The following MSRA variants were observed in gnomAD, a reference collection of about 807,000 sequenced individuals.
The protein encoded by MSRA is methionine sulfoxide reductase A.
MSRA carries 54 observed loss-of-function variants against 31.3 expected under a neutral mutation model. The ratio of observed to expected loss-of-function variants is 1.73; its 90% CI spans 1.39 to 2.17. The LOEUF (loss-of-function observed/expected upper bound fraction) is 2.17. MSRA is among the 30% of genes most tolerant of loss of function. MSRA has a pLI of 0.00. For synonymous variants in MSRA, 169 were observed against 116.5 expected, an observed-to-expected ratio of 1.45 and a Z score of -2.90; for missense variants, 507 against 300.9, an observed-to-expected ratio of 1.69 and a Z score of -5.07.
At chr8:10,319,435 A>T (rs1801916748) in intron 4 of MSRA, among the ~76,000 whole-genome samples, 1 of 152,106 alleles carries the variant, frequency 6.6e-6, no homozygotes. Flanking sequence ...TGTGCCAAGC[A>T]CCGTGCCAGG....
At chr8:10,064,713 T>C (rs1199688418) in intron 1 of MSRA, among the ~76,000 whole-genome samples, 1 of 152,142 alleles carries the variant, frequency 6.6e-6, no homozygotes, top group African/African-American at 2.4e-5. Context: ...ACCTTTGATT[T>C]AAAAAAATTA....
intron 3 of MSRA, among the ~76,000 whole-genome samples, chr8:10,278,522 A>C (rs1294339098): frequency 6.6e-6 from 1 of 152,200 alleles, no homozygotes; most frequent in South Asian, 2.1e-4. Context: ...TGAAATCTAC[A>C]TCCAGCCCAT....
rs188217952 is a variant in MSRA at position 10,104,775 on chromosome 8, T to C, written c.142+50117T>C. 3.9e-5 allele frequency among the ~76,000 whole-genome samples: 6 copies of C among 152,298 alleles called. No homozygotes were observed. The East Asian group carries it at 9.6e-4, about 24-fold the overall frequency. On this transcript the variant is annotated intron_variant, in intron 1 of 5. Transcript: ENST00000317173. Reference sequence around the variant, plus strand: ...GAGGCATGTCCAACCCCCCTTCACATCATAGCCTGAACTGGGTTTTCAGGT... The same window carrying C: ...GAGGCATGTCCAACCCCCCTTCACACCATAGCCTGAACTGGGTTTTCAGGT...
intron 1 of MSRA, among the ~76,000 whole-genome samples, chr8:10,106,769 C>T (rs1014185266): frequency 1.3e-5 from 2 of 152,162 alleles, no homozygotes; most frequent in African/African-American, 4.8e-5. Context: ...CCTCTCCATA[C>T]ACCCTTGGGA....
intron 4 of MSRA, among the ~76,000 whole-genome samples, chr8:10,312,322 G>C (rs1356974514): frequency 6.6e-6 from 1 of 152,178 alleles, no homozygotes; most frequent in Non-Finnish European, 1.5e-5. Context: ...GGAATAAAAA[G>C]TGGGATATCA....
intron 1 of MSRA, among the ~76,000 whole-genome samples, chr8:10,100,372 C>T (rs1799452403): frequency 6.6e-6 from 1 of 152,148 alleles, no homozygotes; most frequent in Non-Finnish European, 1.5e-5. Flanking sequence ...AGCCCTGTGC[C>T]TTGATCTGCT....
chr8:10,090,105 C>T (rs1798782188), intron 1 of MSRA, among the ~76,000 whole-genome samples: 1 of 152,178 alleles, frequency 6.6e-6, no homozygotes, highest in South Asian at 2.1e-4. Context: ...ATTCATGGTG[C>T]ACATGGAGAG....
intron 5 of MSRA, among the ~76,000 whole-genome samples, chr8:10,351,496 C>T (rs1035952488): frequency 6.6e-6 from 1 of 152,138 alleles, no homozygotes; most frequent in African/African-American, 2.4e-5. Context: ...TCATGATCCA[C>T]CCGCTTCAGC....
chr8:10,164,947 G>A (rs1804987302), intron 1 of MSRA, among the ~76,000 whole-genome samples: 1 of 152,182 alleles, frequency 6.6e-6, no homozygotes, highest in African/African-American at 2.4e-5. Flanking sequence ...AGAATCACTT[G>A]AACCTGGGAG....
At chr8:10,301,336 A>G (rs1056297884) in intron 3 of MSRA, among the ~76,000 whole-genome samples, 198 bp from the exon 4 acceptor site, 2 of 152,312 alleles carry the variant, frequency 1.3e-5, no homozygotes, top group Admixed American at 1.3e-4. Context: ...TCCCTGGAAG[A>G]GAACTGTATG....
At chr8:10,379,386 C>T (rs999453942) in intron 5 of MSRA, among the ~76,000 whole-genome samples, 1 of 152,238 alleles carries the variant, frequency 6.6e-6, no homozygotes, top group Non-Finnish European at 1.5e-5. Context: ...CCCTGCCCTC[C>T]CCAGTGTTCT....
At chr8:10,154,398 G>T (rs1803974272) in intron 1 of MSRA, among the ~76,000 whole-genome samples, 1 of 151,240 alleles carries the variant, frequency 6.6e-6, no homozygotes, top group Non-Finnish European at 1.5e-5. Context: ...TTTTTTTTGA[G>T]ACTGAGTCTT....
chr8:10,054,627 G>T lies in MSRA; in HGVS notation c.111G>T (p.Leu37Phe). 6.3e-7 allele frequency: 1 copy of T among 1,576,654 alleles called. No homozygotes were observed. The highest frequency in any genetic ancestry group is 8.6e-7 in the Non-Finnish European group (1 of 1,162,074). Residue 37 changes from leucine to phenylalanine, a missense_variant, in exon 1 of 6, where the codon TTG becomes TTT. Leu to Phe is a conservative substitution (Grantham distance 22, BLOSUM62 0). Coordinates refer to ENST00000317173, the MANE Select transcript of MSRA (RefSeq NM_012331.5). ...ACATCGTCAGCCCCCAGGAGGCCTTGCCGGGCCGGAAGGAACAGACCCCTG... is the reference window on the plus strand; with the variant it reads ...ACATCGTCAGCCCCCAGGAGGCCTTTCCGGGCCGGAAGGAACAGACCCCTG... Reference protein sequence around the residue: ...ASNIVSPQEALPGRKEQTPVA... With the variant: ...ASNIVSPQEAFPGRKEQTPVA...
intron 1 of MSRA, among the ~76,000 whole-genome samples, chr8:10,113,369 G>C (rs1483682217): frequency 7.4e-6 from 1 of 135,456 alleles, no homozygotes; most frequent in Non-Finnish European, 1.5e-5. Flanking sequence ...TCTAAAAGAA[G>C]GGGGAAGGGA....
intron 5 of MSRA, among the ~76,000 whole-genome samples, chr8:10,415,904 T>C (rs999018998): frequency 6.6e-6 from 1 of 152,030 alleles, no homozygotes; most frequent in Non-Finnish European, 1.5e-5. Flanking sequence ...CCTTCCTCCA[T>C]GCCCTCAAAG....
chr8:10,366,878 T>C (rs1805197555), intron 5 of MSRA, among the ~76,000 whole-genome samples: 2 of 152,176 alleles, frequency 1.3e-5, no homozygotes, highest in Admixed American at 1.3e-4. Flanking sequence ...CAGACCACGC[T>C]GTTGCCTCTG....
At chr8:10,259,570 A>G (rs1005296425) in intron 3 of MSRA, among the ~76,000 whole-genome samples, 3 of 151,944 alleles carry the variant, frequency 2.0e-5, no homozygotes, top group Admixed American at 1.3e-4. Flanking sequence ...CCCTTTCCCC[A>G]TTCCCATTTC....
intron 1 of MSRA, among the ~76,000 whole-genome samples, chr8:10,162,850 T>C (rs1207149625): frequency 2.0e-5 from 3 of 152,106 alleles, no homozygotes; most frequent in East Asian, 1.9e-4. Flanking sequence ...GGAGAACTCA[T>C]TGGAGCCCTC....
At chr8:10,419,382 C>G (rs1217502966) in intron 5 of MSRA, among the ~76,000 whole-genome samples, 1 of 151,354 alleles carries the variant, frequency 6.6e-6, no homozygotes, top group Non-Finnish European at 1.5e-5. Flanking sequence ...GAATAAGATC[C>G]CTAACTGCTT....
Sources: gnomAD v4.1 joint callset for allele counts (sites outside exome capture counted in the v4.1 genomes callset) on GRCh38, gnomAD v4.1.1 for gene constraint, MANE v1.5 for transcripts, NCBI Gene and HGNC (gene_info 2026-07-23, HGNC 2026-07-21) for gene names.